The following RAB3C variants were observed in gnomAD, a reference collection of about 807,000 sequenced individuals.
RAB3C encodes RAB3C, member RAS oncogene family, also known as ras-related protein Rab-3C.
A neutral mutation model predicts 26.4 loss-of-function variants in RAB3C; 17 were observed. The ratio of observed to expected loss-of-function variants is 0.64; its 90% CI spans 0.44 to 0.97. The LOEUF (loss-of-function observed/expected upper bound fraction) is 0.97, where lower values mean the gene tolerates loss of function less well. Ranked by LOEUF, RAB3C falls within the 50% of genes least tolerant of loss-of-function variation. The pLI, the probability that RAB3C is intolerant of heterozygous loss-of-function variation, is 0.00. For missense variants in RAB3C, 242 were observed against 281.9 expected, an observed-to-expected ratio of 0.86 and a Z score of 1.01; for synonymous variants, 91 against 95.9, an observed-to-expected ratio of 0.95 and a Z score of 0.30.
At chr5:58,709,340 C>G (rs964092972) in intron 2 of RAB3C, among the ~76,000 whole-genome samples, 1 of 152,174 alleles carries the variant, frequency 6.6e-6, no homozygotes, top group Non-Finnish European at 1.5e-5. Context: ...GGGACTCACC[C>G]TCTGTACACC....
At chr5:58,669,662 T>G (rs1748072546) in intron 2 of RAB3C, among the ~76,000 whole-genome samples, 1 of 152,192 alleles carries the variant, frequency 6.6e-6, no homozygotes, top group African/African-American at 2.4e-5. Context: ...AAGTCACTTA[T>G]TGTCTCTGTG....
intron 2 of RAB3C, among the ~76,000 whole-genome samples, chr5:58,710,138 C>T (rs1749026805): frequency 6.6e-6 from 1 of 152,090 alleles, no homozygotes; most frequent in Admixed American, 6.6e-5. Flanking sequence ...CTCAAAATTG[C>T]TTTTGATGTT....
At chr5:58,671,156 C>T (rs1748110125) in intron 2 of RAB3C, among the ~76,000 whole-genome samples, 1 of 152,022 alleles carries the variant, frequency 6.6e-6, no homozygotes, top group Non-Finnish European at 1.5e-5. Context: ...TGTTTCTTTT[C>T]CCAAAGATAA....
chr5:58,768,241 CAAAAG>C (rs1019059633), intron 3 of RAB3C, among the ~76,000 whole-genome samples: 66 of 152,202 alleles, frequency 4.3e-4, no homozygotes, highest in African/African-American at 1.2e-3. Context: ...GTGCTCAAAA[CAAAAG>C]AAGTGACTCT....
In RAB3C at chr5:58,851,823, C is replaced by T. The variant is rs1275115006; in HGVS notation, c.*472C>T. 1 of 152,524 alleles carries T rather than the reference C, an allele frequency of 6.6e-6. No homozygotes were observed. The highest frequency in any genetic ancestry group is 6.5e-5 in the Admixed American group (1 of 15,278). 9.4% of individuals were successfully genotyped at this position (152,524 alleles called of 1,614,324 possible). ...GTCACAAGACTTCATTTGCTTTACT[C>T]TTAGTTGAAAATCAAATGGAAGTTT... On this transcript the variant is annotated 3_prime_UTR_variant, in exon 5 of 5. Coordinates refer to ENST00000282878, the MANE Select transcript of RAB3C (RefSeq NM_138453.4).
At chr5:58,590,689 CCCA>C (rs1299534066) in intron 1 of RAB3C, among the ~76,000 whole-genome samples, 4 of 151,854 alleles carry the variant, frequency 2.6e-5, no homozygotes, top group African/African-American at 9.7e-5. Flanking sequence ...AACACAGGCG[CCCA>C]CCACCACACC....
At chr5:58,802,930 A>G (rs1273935170) in intron 3 of RAB3C, among the ~76,000 whole-genome samples, 1 of 152,222 alleles carries the variant, frequency 6.6e-6, no homozygotes, top group African/African-American at 2.4e-5. Context: ...TATTAACATC[A>G]TCTGCATGGC....
intron 2 of RAB3C, among the ~76,000 whole-genome samples, chr5:58,650,846 G>A (rs368089252): frequency 2.0e-5 from 3 of 152,010 alleles, no homozygotes; most frequent in Non-Finnish European, 4.4e-5. Context: ...TGTACATTCC[G>A]GTAAGAAAAT....
At chr5:58,843,866 C>T (rs541120797) in intron 4 of RAB3C, among the ~76,000 whole-genome samples, 96 of 152,290 alleles carry the variant, frequency 6.3e-4, no homozygotes, top group Non-Finnish European at 8.1e-4. Context: ...CTCTTTCTCT[C>T]CATTTCCCCA....
rs542124142 is a variant in RAB3C at position 58,593,420 on chromosome 5, G to A, written c.24+10188G>A. On this transcript the variant is annotated intron_variant, in intron 1 of 4. Coordinates refer to ENST00000282878, the MANE Select transcript of RAB3C (RefSeq NM_138453.4). ...CTTATAAAAAAGGTGATAGAGAAATGTAAATAATAACATTAGTGCTTTGAT... is the reference window on the plus strand; with the variant it reads ...CTTATAAAAAAGGTGATAGAGAAATATAAATAATAACATTAGTGCTTTGAT... Among the ~76,000 whole-genome samples the A allele has an allele frequency of 1.1e-4, 17 of 152,254 alleles. No individual in the cohort carries two copies. The South Asian group carries it at 3.5e-3, about 32-fold the overall frequency.
At position 58,586,353 on chromosome 5, in the gene RAB3C, G is replaced by C. The variant is rs34986633; in HGVS notation, c.24+3121G>C. ...CTGGAAAACCCACGTTCTTTCCTCTGTTACTTTTGATTCCCCAAGAAGACA... is the reference window on the plus strand; with the variant it reads ...CTGGAAAACCCACGTTCTTTCCTCTCTTACTTTTGATTCCCCAAGAAGACA... On this transcript the variant is annotated intron_variant, in intron 1 of 4. Coordinates refer to ENST00000282878, the MANE Select transcript of RAB3C (RefSeq NM_138453.4). Among the ~76,000 whole-genome samples, 666 of 152,074 alleles carry C rather than the reference G, an allele frequency of 4.4e-3. 2 individuals are homozygous for C. The highest frequency in any genetic ancestry group is 0.014 in the Middle Eastern group (4 of 294).
At chr5:58,786,936 G>C (rs1742402769) in intron 3 of RAB3C, among the ~76,000 whole-genome samples, 1 of 152,038 alleles carries the variant, frequency 6.6e-6, no homozygotes, top group African/African-American at 2.4e-5. Context: ...GCTTCCTAAG[G>C]ATATCCGCGG....
At chr5:58,678,158 G>T (rs558250140) in intron 2 of RAB3C, among the ~76,000 whole-genome samples, 1 of 152,126 alleles carries the variant, frequency 6.6e-6, no homozygotes, top group Non-Finnish European at 1.5e-5. Flanking sequence ...CAAATTTTAA[G>T]TTTTAGGGAA....
At chr5:58,730,773 G>A (rs1374048861) in intron 3 of RAB3C, among the ~76,000 whole-genome samples, 1 of 152,060 alleles carries the variant, frequency 6.6e-6, no homozygotes, top group African/African-American at 2.4e-5. Flanking sequence ...AAAAATTCTG[G>A]TCTGTTAAGG....
At chr5:58,677,079 C>T (rs996022736) in intron 2 of RAB3C, among the ~76,000 whole-genome samples, 10 of 152,166 alleles carry the variant, frequency 6.6e-5, no homozygotes, top group Non-Finnish European at 1.3e-4. Flanking sequence ...CCTGCCTCCT[C>T]GCTTCTGTTA....
chr5:58,638,427 G>A (rs1020930676), intron 2 of RAB3C, among the ~76,000 whole-genome samples: 2 of 151,388 alleles, frequency 1.3e-5, no homozygotes, highest in African/African-American at 4.9e-5. Context: ...GGCATGTTTT[G>A]GTCATCCTTA....
intron 1 of RAB3C, among the ~76,000 whole-genome samples, chr5:58,591,821 G>GT (rs1746133558): frequency 7.2e-6 from 1 of 138,960 alleles, no homozygotes; most frequent in Non-Finnish European, 1.6e-5. Context: ...TCTCTGTTTC[G>GT]TTTTTATATT....
At chr5:58,630,687 A>G (rs1747169446) in intron 2 of RAB3C, among the ~76,000 whole-genome samples, 1 of 152,212 alleles carries the variant, frequency 6.6e-6, no homozygotes, top group South Asian at 2.1e-4. Flanking sequence ...AAAGGCAAAT[A>G]AAAACTTGGT....
At chr5:58,809,217 T>C (rs1353068215) in intron 3 of RAB3C, among the ~76,000 whole-genome samples, 4 of 152,194 alleles carry the variant, frequency 2.6e-5, no homozygotes, top group African/African-American at 9.6e-5. Context: ...AAAAAATTGT[T>C]TCTTTTCATA....
Sources: gnomAD v4.1 joint callset for allele counts (sites outside exome capture counted in the v4.1 genomes callset) on GRCh38, gnomAD v4.1.1 for gene constraint, MANE v1.5 for transcripts, NCBI Gene and HGNC (gene_info 2026-07-23, HGNC 2026-07-21) for gene names.